The following CCDC169 variants were observed in gnomAD, a reference collection of about 807,000 sequenced individuals.
CCDC169 encodes coiled-coil domain containing 169.
In CCDC169, 30 loss-of-function variants were observed where a neutral mutation model predicts 36.0. The observed-to-expected ratio is 0.83, with a 90% CI of 0.62 to 1.13. The LOEUF is 1.13. Among genes scored for constraint, CCDC169 ranks in the 50% most tolerant of loss-of-function variants. The pLI, the probability that CCDC169 is intolerant of heterozygous loss-of-function variation, is 0.00. For missense variants in CCDC169, 245 were observed against 245.9 expected, an observed-to-expected ratio of 1.00 and a Z score of 0.03; for synonymous variants, 85 against 81.5, an observed-to-expected ratio of 1.04 and a Z score of -0.23.
chr13:36,238,983 C>A (rs1871412094), intron 7 of CCDC169, among the ~76,000 whole-genome samples: 4 of 152,108 alleles, frequency 2.6e-5, no homozygotes, highest in African/African-American at 7.2e-5. Context: ...GTAATCCCAG[C>A]ACTTTAGGAG....
At chr13:36,272,084 CAA>C (rs66633645) in intron 4 of CCDC169, among the ~76,000 whole-genome samples, 1 of 101,916 alleles carries the variant, frequency 9.8e-6, no homozygotes, top group Non-Finnish European at 2.0e-5. Context: ...GGCTCCGTCT[CAA>C]AAAAAAAAAA....
intron 4 of CCDC169, among the ~76,000 whole-genome samples, chr13:36,261,809 C>T (rs1045839883): frequency 6.6e-6 from 1 of 152,140 alleles, no homozygotes; most frequent in African/African-American, 2.4e-5. Context: ...GCCCTGTGAT[C>T]ACAGAACTGA....
At chr13:36,294,770 G>C (rs910168680) in intron 2 of CCDC169, among the ~76,000 whole-genome samples, 1 of 152,076 alleles carries the variant, frequency 6.6e-6, no homozygotes, top group East Asian at 1.9e-4. Flanking sequence ...GAGCAAGCAG[G>C]GGGTACGTGA....
rs200625630 is a variant in CCDC169 at position 36,248,640 on chromosome 13, G to C, written c.511C>G (p.Gln171Glu). 90 of 1,550,564 alleles carry C rather than the reference G, an allele frequency of 5.8e-5. No homozygotes were observed. Among genetic ancestry groups the C allele is most frequent in the Admixed American group, 3.9e-5 (2 of 50,994 alleles). The change falls in exon 7 of 8, where the codon CAA becomes GAA. Residue 171 changes from glutamine to glutamate, a missense_variant. Coordinates refer to ENST00000239859, the MANE Select transcript of CCDC169 (RefSeq NM_001144981.3). ...AGATTCTCTTGCATCCTAGGCAGTT[G>C]ATCCACCTGTTGCCTTTTAGAAACT... ...HQVSKRQQVD[Q>E]LPRMQENLVK...
At chr13:36,242,835 G>A (rs1276770577) in intron 7 of CCDC169, among the ~76,000 whole-genome samples, 1 of 152,110 alleles carries the variant, frequency 6.6e-6, no homozygotes, top group African/African-American at 2.4e-5. Flanking sequence ...TCAGACCTGT[G>A]GTGTGGAGGG....
At chr13:36,250,810 A>T (rs1332356254) in intron 6 of CCDC169, among the ~76,000 whole-genome samples, 1 of 152,206 alleles carries the variant, frequency 6.6e-6, no homozygotes, top group Non-Finnish European at 1.5e-5. Context: ...GTGGATTTTA[A>T]GGAAGTTTCA....
intron 4 of CCDC169, among the ~76,000 whole-genome samples, chr13:36,257,081 C>A (rs1167665817): frequency 6.6e-6 from 1 of 151,974 alleles, no homozygotes; most frequent in African/African-American, 2.4e-5. Context: ...AAGGGCCTAA[C>A]GACCAGGTAG....
chr13:36,285,681 G>A (rs1036839285), intron 2 of CCDC169, among the ~76,000 whole-genome samples: 2 of 150,106 alleles, frequency 1.3e-5, no homozygotes, highest in Non-Finnish European at 3.0e-5. Flanking sequence ...GTATACAGTC[G>A]TAACCAAATG....
At chr13:36,297,590 T>G in intron 1 of CCDC169, 47 bp downstream of exon 1, 1 of 1,529,730 alleles carries the variant, frequency 6.5e-7, no homozygotes. Context: ...AGGTGAAGGC[T>G]CGGGGGGTGT....
chr13:36,293,353 A>G (rs1429567659), intron 2 of CCDC169, among the ~76,000 whole-genome samples: 1 of 152,152 alleles, frequency 6.6e-6, no homozygotes, highest in Non-Finnish European at 1.5e-5. Context: ...TACTTAGCAT[A>G]TTCCCCAAAT....
intron 4 of CCDC169, among the ~76,000 whole-genome samples, chr13:36,276,595 G>A (rs1176338476): frequency 6.6e-6 from 1 of 152,200 alleles, no homozygotes; most frequent in Non-Finnish European, 1.5e-5. Context: ...GCACTGGTGA[G>A]AGATTTCCCT....
In CCDC169 at chr13:36,295,800, G is replaced by A. The variant is rs781001038; in HGVS notation, c.141C>T (p.Ala47=). Residue 47 remains alanine (A), a synonymous_variant, in exon 2 of 8, where the codon GCC becomes GCT. Coordinates refer to ENST00000239859, the MANE Select transcript of CCDC169 (RefSeq NM_001144981.3). The part of the protein sequence containing the change: ...ELRHKITELE[A]KLNTDNEGSE... ...TACCTTCATTGTCAGTATTGAGTTT[G>A]GCTTCCAGTTCCGTAATCTTGTGTC... 9 of 1,535,288 alleles carry A rather than the reference G, an allele frequency of 5.9e-6. No homozygotes were observed. The African/African-American group carries it at 1.1e-4, about 19-fold the overall frequency.
Position 36,259,090 on chromosome 13 carries a change from ACTCCCAGGATCCTG to A in CCDC169, c.316-4961_316-4948del. On this transcript the variant is annotated intron_variant, in intron 4 of 7. Transcript: ENST00000239859. ...CTTTCCAAGAAGGCAGGCTCCAGGGACTCCCAGGATCCTGCTCCCTCGGATACCACAGTCTATGT... is the reference window on the plus strand; with the variant it reads ...CTTTCCAAGAAGGCAGGCTCCAGGGACTCCCTCGGATACCACAGTCTATGT... Among the ~76,000 whole-genome samples the A allele has an allele frequency of 1.3e-5, 2 of 152,074 alleles. 1 individual carries two copies. The highest frequency in any genetic ancestry group is 3.9e-4 in the East Asian group (2 of 5,180).
chr13:36,253,925 A>G (rs1873495529), intron 5 of CCDC169, 69 bp from the exon 6 acceptor site: 1 of 1,541,302 alleles, frequency 6.5e-7, no homozygotes. Context: ...AGACTAAGTT[A>G]AGGTGTATGT....
chr13:36,240,174 G>A (rs1871613146), intron 7 of CCDC169, among the ~76,000 whole-genome samples: 1 of 151,758 alleles, frequency 6.6e-6, no homozygotes, highest in African/African-American at 2.4e-5. Flanking sequence ...ACACTGTACT[G>A]TATTAGTTAC....
At chr13:36,252,167 G>A (rs756801539) in intron 6 of CCDC169, among the ~76,000 whole-genome samples, 3 of 152,172 alleles carry the variant, frequency 2.0e-5, no homozygotes, top group Non-Finnish European at 4.4e-5. Context: ...TGTATGAGAA[G>A]GAGCACATTC....
chr13:36,232,432 T>G (rs143987227), intron 7 of CCDC169, among the ~76,000 whole-genome samples: 71 of 152,292 alleles, frequency 4.7e-4, no homozygotes, highest in African/African-American at 1.7e-3. Context: ...CTGTTTAATT[T>G]CAGAGCTGCC....
chr13:36,239,129 T>G (rs989253195), intron 7 of CCDC169, among the ~76,000 whole-genome samples: 1 of 152,038 alleles, frequency 6.6e-6, no homozygotes, highest in Non-Finnish European at 1.5e-5. Context: ...TCCTAGCTAC[T>G]CAGGAGGCTG....
At chr13:36,233,665 A>G (rs1870720324) in intron 7 of CCDC169, among the ~76,000 whole-genome samples, 1 of 152,240 alleles carries the variant, frequency 6.6e-6, no homozygotes, top group Admixed American at 6.5e-5. Flanking sequence ...TATAAATGCA[A>G]TGAAGAATTC....
Sources: allele counts gnomAD v4.1 joint callset (sites outside exome capture counted in the v4.1 genomes callset), GRCh38; gene constraint gnomAD v4.1.1; transcripts MANE v1.5; gene names NCBI Gene and HGNC (gene_info 2026-07-23, HGNC 2026-07-21).